The following CTNNA3 variants were observed in gnomAD, a reference collection of about 807,000 sequenced individuals.
CTNNA3 encodes the protein catenin alpha 3.
A neutral mutation model predicts 95.7 loss-of-function variants in CTNNA3; 76 were observed. That is an observed-to-expected ratio of 0.79 (90% CI 0.66 to 0.96). The LOEUF is 0.96. Ranked by LOEUF, CTNNA3 falls within the 40% of genes least tolerant of loss-of-function variation. CTNNA3 has a pLI of 0.00. For synonymous variants in CTNNA3, 431 were observed against 374.4 expected, an observed-to-expected ratio of 1.15 and a Z score of -1.74; for missense variants, 1,191 against 1,089.8, an observed-to-expected ratio of 1.09 and a Z score of -1.31.
chr10:66,196,548 C>A (rs1029639713), intron 13 of CTNNA3, among the ~76,000 whole-genome samples: 2 of 152,166 alleles, frequency 1.3e-5, no homozygotes, highest in African/African-American at 4.8e-5. Context: ...GTCTTCTTCC[C>A]TCCCTTACTG....
intron 7 of CTNNA3, among the ~76,000 whole-genome samples, chr10:67,047,433 G>A (rs1854822765): frequency 6.6e-6 from 1 of 152,086 alleles, no homozygotes; most frequent in South Asian, 2.1e-4. Flanking sequence ...AAGTGTGAAA[G>A]AAAAACATTA....
intron 9 of CTNNA3, among the ~76,000 whole-genome samples, chr10:66,683,225 G>A (rs777217179): frequency 3.9e-5 from 6 of 152,072 alleles, no homozygotes; most frequent in Non-Finnish European, 7.4e-5. Context: ...AAAAGATTGT[G>A]GTGGACTAGA....
rs1218767873 is a variant in CTNNA3 at position 67,726,627 on chromosome 10, T to TAC, written c.-2+36806_-2+36807insGT. Among the ~76,000 whole-genome samples, 7 of 67,184 alleles carry TAC rather than the reference T, an allele frequency of 1.0e-4. 1 individual carries two copies. In the South Asian group the frequency reaches 1.7e-3, roughly 16 times the overall value. 44.1% of individuals were successfully genotyped at this position (67,184 alleles called of 152,430 possible). A position where few individuals can be genotyped will look rare whatever the true frequency, so the allele number is the denominator to read the frequency against. On this transcript the variant is annotated intron_variant, in intron 1 of 17. Transcript: ENST00000684154. ...ATATTATATAATATATAATATATATTATATTATATATAATATATACTATAA... is the reference window on the plus strand; with the variant it reads ...ATATTATATAATATATAATATATATTACATATTATATATAATATATACTATAA...
intron 15 of CTNNA3, among the ~76,000 whole-genome samples, chr10:66,003,058 A>G (rs1320237326): frequency 6.6e-6 from 1 of 152,174 alleles, no homozygotes; most frequent in African/African-American, 2.4e-5. Context: ...CTTCACTAAT[A>G]CAGCTGTAAT....
chr10:67,062,582 A>C (rs1855824366), intron 7 of CTNNA3, among the ~76,000 whole-genome samples: 1 of 152,140 alleles, frequency 6.6e-6, no homozygotes, highest in Non-Finnish European at 1.5e-5. Flanking sequence ...AGAACACAAA[A>C]TATAAAAATT....
At chr10:66,843,827 T>C (rs947000732) in intron 7 of CTNNA3, among the ~76,000 whole-genome samples, 1 of 152,198 alleles carries the variant, frequency 6.6e-6, no homozygotes, top group Non-Finnish European at 1.5e-5. Context: ...AACGTTGATT[T>C]GGTGAGAAAG....
intron 7 of CTNNA3, chr10:67,097,491 T>C (rs1858074792): frequency 2.9e-6 from 3 of 1,035,410 alleles, no homozygotes; most frequent in Non-Finnish European, 2.9e-6. Context: ...GATATAACCA[T>C]GGAGGTTAGT....
chr10:66,773,017 A>G (rs570607880), intron 8 of CTNNA3, among the ~76,000 whole-genome samples: 5 of 152,352 alleles, frequency 3.3e-5, no homozygotes, highest in African/African-American at 9.6e-5. Context: ...CAACTGTTGG[A>G]TAAACTTCTT....
intron 7 of CTNNA3, among the ~76,000 whole-genome samples, chr10:66,842,433 A>G (rs1843099718): frequency 6.6e-6 from 1 of 152,222 alleles, no homozygotes. Context: ...GAGAAGTAGA[A>G]GAGAACAGAA....
At chr10:67,228,192 T>C (rs1339007718) in intron 5 of CTNNA3, among the ~76,000 whole-genome samples, 1 of 151,868 alleles carries the variant, frequency 6.6e-6, no homozygotes, top group East Asian at 1.9e-4. Flanking sequence ...CAGAACTAAA[T>C]GAAATCGAAA....
intron 5 of CTNNA3, among the ~76,000 whole-genome samples, chr10:67,331,896 A>C (rs1289956367): frequency 6.6e-6 from 1 of 152,196 alleles, no homozygotes; most frequent in Non-Finnish European, 1.5e-5. Context: ...ATCTGAGGCA[A>C]TAGGCTACTT....
intron 7 of CTNNA3, among the ~76,000 whole-genome samples, chr10:67,101,525 AAAT>A (rs1858342206): frequency 6.6e-6 from 1 of 151,756 alleles, no homozygotes; most frequent in Admixed American, 6.6e-5. Flanking sequence ...GCTAACTTGC[AAAT>A]AATATATTTT....
At chr10:66,622,959 T>C (rs181336013) in intron 9 of CTNNA3, among the ~76,000 whole-genome samples, 13 of 152,274 alleles carry the variant, frequency 8.5e-5, no homozygotes, top group African/African-American at 2.4e-4. Context: ...CCATACATTA[T>C]TTAACTGTGG....
intron 13 of CTNNA3, among the ~76,000 whole-genome samples, chr10:66,113,637 A>G (rs2082201856): frequency 2.0e-5 from 3 of 152,206 alleles, no homozygotes; most frequent in Admixed American, 2.0e-4. Context: ...ATAAAATTTC[A>G]GTCATTTTTA....
chr10:67,279,367 G>GGACAT (rs1340563451), intron 5 of CTNNA3, among the ~76,000 whole-genome samples: 1 of 152,112 alleles, frequency 6.6e-6, no homozygotes, highest in Non-Finnish European at 1.5e-5. Context: ...CCAGGGTTAA[G>GGACAT]GACATACCCT....
intron 7 of CTNNA3, among the ~76,000 whole-genome samples, chr10:67,003,474 C>T (rs1053054190): frequency 1.3e-5 from 2 of 152,114 alleles, no homozygotes; most frequent in Admixed American, 6.6e-5. Context: ...GTTCCAAGAT[C>T]GAATACTTTT....
chr10:66,389,807 T>C (rs1167592380), intron 11 of CTNNA3, among the ~76,000 whole-genome samples: 1 of 151,838 alleles, frequency 6.6e-6, no homozygotes, highest in African/African-American at 2.4e-5. Flanking sequence ...GCCATAATCA[T>C]AGCTCATTGC....
intron 10 of CTNNA3, among the ~76,000 whole-genome samples, chr10:66,556,839 C>G (rs1326643677): frequency 6.6e-6 from 1 of 151,932 alleles, no homozygotes; most frequent in Non-Finnish European, 1.5e-5. Flanking sequence ...CTCTTTTATA[C>G]CAAAAATTTC....
chr10:66,417,436 T>A (rs2132618181), intron 11 of CTNNA3, among the ~76,000 whole-genome samples: 1 of 152,088 alleles, frequency 6.6e-6, no homozygotes, highest in Admixed American at 6.6e-5. Flanking sequence ...TGTGGGGGAA[T>A]TTACCACCTT....
Sources: allele counts gnomAD v4.1 joint callset (sites outside exome capture counted in the v4.1 genomes callset), GRCh38; gene constraint gnomAD v4.1.1; transcripts MANE v1.5; gene names NCBI Gene and HGNC (gene_info 2026-07-23, HGNC 2026-07-21).